The following STK39 variants were observed in gnomAD, a reference collection of about 807,000 sequenced individuals.
The protein encoded by STK39 is STE20/SPS1-related proline-alanine-rich protein kinase.
STK39 carries 20 observed loss-of-function variants against 77.8 expected under a neutral mutation model. That is an observed-to-expected ratio of 0.26 (90% confidence interval 0.18 to 0.37). STK39 has a LOEUF of 0.37. STK39 is among the 10% of genes least tolerant of loss of function. STK39 has a pLI of 1.00. For missense variants in STK39, 479 were observed against 656.5 expected (o/e 0.73, Z 2.95); for synonymous variants, 246 against 234.1 (o/e 1.05, Z -0.47).
chr2:168,232,850 T>A (rs1361648875), intron 1 of STK39, among the ~76,000 whole-genome samples: 2 of 151,718 alleles, frequency 1.3e-5, no homozygotes, highest in Non-Finnish European at 1.5e-5. Flanking sequence ...AGGCGGAGGT[T>A]GCAGCGAGCC....
chr2:168,243,572 AC>A (rs1298302049), intron 1 of STK39, among the ~76,000 whole-genome samples: 2 of 152,180 alleles, frequency 1.3e-5, no homozygotes, highest in Admixed American at 6.5e-5. Flanking sequence ...TCCTGCAAAA[AC>A]CCTAAGAAAA....
intron 14 of STK39, among the ~76,000 whole-genome samples, chr2:168,056,035 T>TA (rs1459749661): frequency 6.6e-6 from 1 of 152,096 alleles, no homozygotes; most frequent in African/African-American, 2.4e-5. Context: ...GCAAAAAACA[T>TA]AAAAGAAAAA....
chr2:168,104,590 G>A (rs1050434422), intron 10 of STK39, among the ~76,000 whole-genome samples: 5 of 152,128 alleles, frequency 3.3e-5, no homozygotes, highest in African/African-American at 1.2e-4. Context: ...GGAATGGAAC[G>A]AAAGAATATT....
chr2:168,201,779 A>G (rs1252272159), intron 1 of STK39, among the ~76,000 whole-genome samples: 2 of 152,020 alleles, frequency 1.3e-5, no homozygotes, highest in Non-Finnish European at 2.9e-5. Flanking sequence ...TCCTCACCCC[A>G]AGTCACAATT....
intron 16 of STK39, among the ~76,000 whole-genome samples, chr2:167,999,829 G>C (rs538264095): frequency 6.6e-6 from 1 of 152,326 alleles, no homozygotes; most frequent in South Asian, 2.1e-4. Context: ...GGATGACAAA[G>C]AGTGGTAGAA....
intron 16 of STK39, among the ~76,000 whole-genome samples, chr2:167,983,410 C>T (rs932298127): frequency 9.6e-5 from 14 of 145,408 alleles, no homozygotes; most frequent in East Asian, 6.2e-4. Flanking sequence ...ACCCAGATTG[C>T]GCCGTTGCAC....
At chr2:168,131,083 T>A (rs1517338) in intron 8 of STK39, among the ~76,000 whole-genome samples, 1 of 152,106 alleles carries the variant, frequency 6.6e-6, no homozygotes, top group South Asian at 2.1e-4. Flanking sequence ...GTGTGGAAAA[T>A]TACTGTAGTT....
At chr2:168,217,326 C>A (rs1232631399) in intron 1 of STK39, among the ~76,000 whole-genome samples, 1 of 152,086 alleles carries the variant, frequency 6.6e-6, no homozygotes, top group African/African-American at 2.4e-5. Context: ...AATTAGAAAA[C>A]CCCAATTTCT....
chr2:168,018,723 G>A (rs7601157), intron 14 of STK39, among the ~76,000 whole-genome samples: 1 of 151,888 alleles, frequency 6.6e-6, no homozygotes. Flanking sequence ...CTGAGCATTC[G>A]CACTGTAAAG....
intron 15 of STK39, among the ~76,000 whole-genome samples, chr2:168,015,600 A>G (rs1684384175): frequency 6.6e-6 from 1 of 152,246 alleles, no homozygotes; most frequent in Non-Finnish European, 1.5e-5. Context: ...CATGTTACCC[A>G]CAAAAGTCCT....
chr2:168,100,533 G>A (rs1686795685), intron 10 of STK39, among the ~76,000 whole-genome samples: 1 of 152,086 alleles, frequency 6.6e-6, no homozygotes, highest in Non-Finnish European at 1.5e-5. Flanking sequence ...CAAAGTGTAG[G>A]GATTACAGGT....
At chr2:168,011,168 T>C (rs1183607714) in intron 16 of STK39, among the ~76,000 whole-genome samples, 2 of 152,008 alleles carry the variant, frequency 1.3e-5, no homozygotes, top group African/African-American at 2.4e-5. Flanking sequence ...CACGGTGGCA[T>C]GCGTCTGTAG....
At chr2:168,203,555 C>A (rs1473954066) in intron 1 of STK39, among the ~76,000 whole-genome samples, 1 of 152,150 alleles carries the variant, frequency 6.6e-6, no homozygotes, top group African/African-American at 2.4e-5. Flanking sequence ...GTAGAGTTTA[C>A]GAGAAAGAAC....
intron 1 of STK39, among the ~76,000 whole-genome samples, chr2:168,228,772 G>T (rs1690372300): frequency 6.6e-6 from 1 of 152,116 alleles, no homozygotes; most frequent in Admixed American, 6.6e-5. Context: ...CTGGACAAGA[G>T]TGAAACTCCA....
At chr2:168,149,395 G>A (rs1009026860) in intron 5 of STK39, among the ~76,000 whole-genome samples, 1 of 152,212 alleles carries the variant, frequency 6.6e-6, no homozygotes, top group African/African-American at 2.4e-5. Context: ...ATCCCCACTG[G>A]CAGTGCAGAA....
chr2:168,059,375 A>G (rs987618715), intron 14 of STK39, among the ~76,000 whole-genome samples: 1 of 152,160 alleles, frequency 6.6e-6, no homozygotes, highest in African/African-American at 2.4e-5. Flanking sequence ...TGAGTTCATC[A>G]AAAAGGAGAT....
intron 2 of STK39, among the ~76,000 whole-genome samples, chr2:168,181,160 G>A (rs889042460): frequency 6.6e-6 from 1 of 152,102 alleles, no homozygotes; most frequent in Non-Finnish European, 1.5e-5. Context: ...TTAGTGTGGG[G>A]ATAACCAATC....
chr2:168,226,010 A>C (rs1269226450), intron 1 of STK39, among the ~76,000 whole-genome samples: 1 of 152,224 alleles, frequency 6.6e-6, no homozygotes, highest in Non-Finnish European at 1.5e-5. Flanking sequence ...CAGGGAAAGA[A>C]GAGAGAAGCT....
chr2:168,026,246 C>T (rs1574402936), intron 14 of STK39, among the ~76,000 whole-genome samples: 1 of 152,306 alleles, frequency 6.6e-6, no homozygotes, highest in South Asian at 2.1e-4. Flanking sequence ...CGAAGGAAAT[C>T]TTGAACTAAT....
Sources: allele counts gnomAD v4.1 joint callset (sites outside exome capture counted in the v4.1 genomes callset), GRCh38; gene constraint gnomAD v4.1.1; transcripts MANE v1.5; gene names NCBI Gene and HGNC (gene_info 2026-07-23, HGNC 2026-07-21).